Variants in IL2RB observed in about 807,000 individuals in gnomAD.
IL2RB encodes interleukin 2 receptor subunit beta, also known as interleukin-2 receptor subunit beta.
A neutral mutation model predicts 44.2 loss-of-function variants in IL2RB; 17 were observed. That is an observed-to-expected ratio of 0.38 (90% CI 0.26 to 0.58). IL2RB has a LOEUF of 0.58. IL2RB is among the 20% of genes least tolerant of loss of function. The probability of loss-of-function intolerance (pLI) is 0.63; values close to 1 mark genes in which losing one functional copy is unlikely to be tolerated. For synonymous variants in IL2RB, 286 were observed against 297.9 expected, an observed-to-expected ratio of 0.96 and a Z score of 0.41; for missense variants, 624 against 685.5, an observed-to-expected ratio of 0.91 and a Z score of 1.00.
At chr22:37,134,840 C>T (rs1287248501) in intron 8 of IL2RB, among the ~76,000 whole-genome samples, 1 of 152,220 alleles carries the variant, frequency 6.6e-6, no homozygotes, top group Admixed American at 6.5e-5. Context: ...CGCATGCATG[C>T]GGCCTGCCAC....
At chr22:37,142,868 C>A (rs535344372) in intron 3 of IL2RB, 47 of 386,262 alleles carry the variant, frequency 1.2e-4, no homozygotes, top group South Asian at 9.8e-4. Context: ...CGTGTGGAAT[C>A]ACCACCCACC....
At position 37,128,595 on chromosome 22, in the gene IL2RB, G is replaced by C. The variant is rs142845071; in HGVS notation, c.1157C>G (p.Pro386Arg). The change falls in exon 10 of 10, where the codon CCC (proline) becomes CGC (arginine). Residue 386 changes from proline (P) to arginine (R), a missense_variant. Pro to Arg is a moderately radical substitution (Grantham distance 103). Transcript: ENST00000216223. This position sits in a 1 kb window ranked among gnomAD's most constrained non-coding sequence, Gnocchi z 4.5. The part of the protein sequence containing the change: ...EACQVYFTYD[P>R]YSEEDPDEGV... ...CTCATCAGGGTCTTCCTCTGAGTAG[G>C]GGTCGTAAGTAAAGTACACCTGGCA... 2.5e-6 allele frequency: 4 copies of C among 1,613,994 alleles called. No individual in the cohort carries two copies. In the African/African-American group the frequency reaches 5.3e-5, roughly 22 times the overall value.
chr22:37,158,882 C>T (rs1237938834), intron 1 of IL2RB, among the ~76,000 whole-genome samples: 1 of 152,166 alleles, frequency 6.6e-6, no homozygotes, highest in Non-Finnish European at 1.5e-5. Flanking sequence ...ACCCATCCTC[C>T]GCCGTCTTCA....
At chr22:37,139,093 C>G in intron 5 of IL2RB, 24 bp downstream of exon 5, 1 of 1,499,930 alleles carries the variant, frequency 6.7e-7, no homozygotes, top group Non-Finnish European at 9.3e-7. Context: ...CCTGCCCCAG[C>G]CCCACCCTGG....
chr22:37,149,781 C>G, intron 1 of IL2RB, 44 bp downstream of exon 1: 2 of 913,826 alleles, frequency 2.2e-6, no homozygotes, highest in Non-Finnish European at 1.3e-6. Context: ...TCCCAGCCCT[C>G]TGGCTGGTCC....
At chr22:37,169,742 G>A (rs995198251) in intron 1 of IL2RB, among the ~76,000 whole-genome samples, 3 of 152,066 alleles carry the variant, frequency 2.0e-5, no homozygotes, top group Non-Finnish European at 2.9e-5. Flanking sequence ...TTCAGGCCCC[G>A]GGTTCACATC....
Position 37,128,308 on chromosome 22 carries a change from G to C in IL2RB, c.1444C>G (p.Leu482Val). 1.3e-6 allele frequency: 2 copies of C among 1,501,962 alleles called. No homozygotes were observed. Among genetic ancestry groups the C allele is most frequent in the Non-Finnish European group, 1.8e-6 (2 of 1,126,118 alleles). The allele number at this position is 1,501,962 out of a possible 1,614,324, so 93.0% of individuals were successfully genotyped here. ...TCAGGGGGTGGCTGAAAATCCACCA[G>C]GTCTGGGACTCCTGGGGTGGGAGGC... ...LGPPTPGVPD[L>V]VDFQPPPELV... is the part of the protein sequence containing the mutation. The change falls in exon 10 of 10, where the codon CTG becomes GTG. Residue 482 changes from leucine (L) to valine (V), a missense_variant. Leu to Val is a conservative substitution (Grantham distance 32). Around this residue, in one of 3 missense-constraint regions of IL2RB, gnomAD observed 291 missense variants for 275.5 expected, o/e 1.06. Coordinates refer to ENST00000216223, the MANE Select transcript of IL2RB (RefSeq NM_000878.5). This position sits in a 1 kb window ranked among gnomAD's most constrained non-coding sequence, Gnocchi z 4.5.
intron 1 of IL2RB, among the ~76,000 whole-genome samples, chr22:37,146,440 A>G (rs898009195): frequency 2.0e-5 from 3 of 151,786 alleles, no homozygotes; most frequent in Non-Finnish European, 2.9e-5. Flanking sequence ...GCACACACAC[A>G]CCGCACCTAC....
intron 9 of IL2RB, among the ~76,000 whole-genome samples, chr22:37,131,897 G>A (rs949835737): frequency 9.2e-5 from 14 of 151,980 alleles, no homozygotes; most frequent in Non-Finnish European, 1.8e-4. Context: ...CCACCAGCCC[G>A]GCTAATTTTT....
At chr22:37,164,950 G>A (rs1264919270) in intron 1 of IL2RB, among the ~76,000 whole-genome samples, 1 of 152,190 alleles carries the variant, frequency 6.6e-6, no homozygotes, top group Non-Finnish European at 1.5e-5. Flanking sequence ...GGTCAGAAAT[G>A]CAGATGCTCA....
rs1408198241 is a variant in IL2RB, at chr22:37,126,405, T to G, written c.*1691A>C. On this transcript the variant is annotated 3_prime_UTR_variant, in exon 10 of 10. Coordinates refer to ENST00000216223, the MANE Select transcript of IL2RB (RefSeq NM_000878.5). ...TTTGTATTGGGAACCCAAGGTCCTC[T>G]GCTTAGTGGCTCAACGCTTGTCTAC... 6.6e-6 allele frequency: 1 copy of G among 152,230 alleles called. No homozygotes were observed. Among genetic ancestry groups the G allele is most frequent in the East Asian group, 1.9e-4 (1 of 5,198 alleles). The allele number at this position is 152,230 out of a possible 1,614,324, so 9.4% of individuals were successfully genotyped here. A position where few individuals can be genotyped will look rare whatever the true frequency, so the allele number is the denominator to read the frequency against.
intron 1 of IL2RB, among the ~76,000 whole-genome samples, chr22:37,162,437 G>T (rs1041003890): frequency 6.6e-6 from 1 of 152,192 alleles, no homozygotes; most frequent in African/African-American, 2.4e-5. Flanking sequence ...ACCTAAATGC[G>T]CACTTGGAAG....
In IL2RB at chr22:37,132,375, G is replaced by A. The variant is rs1569041536; in HGVS notation, c.903+9C>T. On this transcript the variant is annotated intron_variant, in intron 9 of 9. Transcript: ENST00000216223. ...TGCCCACCTCTGTCTCCCCGCCCCGGCCTCCTACCTGGACGTCTCCTCCAT... is the reference window on the plus strand; with the variant it reads ...TGCCCACCTCTGTCTCCCCGCCCCGACCTCCTACCTGGACGTCTCCTCCAT... The A allele has an allele frequency of 6.2e-7, 1 of 1,612,192 alleles. No individual in the cohort carries two copies. Among genetic ancestry groups the A allele is most frequent in the Non-Finnish European group, 8.5e-7 (1 of 1,178,512 alleles).
rs41309806 is a variant in IL2RB, at chr22:37,149,520, G to A, written c.-34+305C>T. ...CCACCCATCCCTTCTCCACCTCTCC[G>A]GGTTGGGGGCCCAGCACACAGAGCC... On this transcript the variant is annotated intron_variant, in intron 1 of 9. Transcript: ENST00000216223. Among the ~76,000 whole-genome samples, 754 of 152,238 alleles carry A rather than the reference G, an allele frequency of 5.0e-3. 7 individuals are homozygous for A. The highest frequency in any genetic ancestry group is 0.018 in the African/African-American group (727 of 41,542).
In IL2RB at chr22:37,139,103, G is replaced by A. The variant is rs1921840077; in HGVS notation, c.388+14C>T. On this transcript the variant is annotated intron_variant, in intron 5 of 9. Transcript: ENST00000216223. ...CCAGCCCTGCCCCAGCCCCACCCTG[G>A]CTTCCTCACTCACGGTTCTCAAAGG... 1 of 1,567,030 alleles carries A rather than the reference G, an allele frequency of 6.4e-7. No individual in the cohort carries two copies. Among genetic ancestry groups the A allele is most frequent in the Non-Finnish European group, 8.8e-7 (1 of 1,137,256 alleles).
chr22:37,158,345 C>A (rs1006571381), intron 1 of IL2RB, among the ~76,000 whole-genome samples: 1 of 151,890 alleles, frequency 6.6e-6, no homozygotes, highest in African/African-American at 2.4e-5. Context: ...GTCAGGAGAT[C>A]GAGACCAGCC....
At chr22:37,149,414 G>T (rs1256807655) in intron 1 of IL2RB, among the ~76,000 whole-genome samples, 1 of 152,142 alleles carries the variant, frequency 6.6e-6, no homozygotes, top group East Asian at 1.9e-4. Context: ...CCGGTATATG[G>T]GCCCCACTCC....
intron 8 of IL2RB, among the ~76,000 whole-genome samples, chr22:37,134,885 C>A (rs1204995245): frequency 6.6e-6 from 1 of 152,190 alleles, no homozygotes; most frequent in Non-Finnish European, 1.5e-5. Flanking sequence ...ACCTGGCATG[C>A]AGCTCGTACT....
At chr22:37,138,839 G>C (rs1921825602) in intron 5 of IL2RB, among the ~76,000 whole-genome samples, 1 of 152,218 alleles carries the variant, frequency 6.6e-6, no homozygotes, top group African/African-American at 2.4e-5. Context: ...GGCAGGGATA[G>C]GCAAGGTGGG....
Sources: allele counts gnomAD v4.1 joint callset (sites outside exome capture counted in the v4.1 genomes callset), GRCh38; gene constraint gnomAD v4.1.1; regional missense constraint gnomAD v4.1.1; non-coding constraint Gnocchi (gnomAD v3.1); transcripts MANE v1.5; gene names NCBI Gene and HGNC (gene_info 2026-07-23, HGNC 2026-07-21).